Variants in SEMA3A observed in about 807,000 individuals in gnomAD.
SEMA3A encodes semaphorin-3A.
Under a neutral mutation model 97.9 loss-of-function variants are expected in SEMA3A, and 29 were observed. The ratio of observed to expected loss-of-function variants is 0.30; its 90% CI spans 0.22 to 0.40. SEMA3A has a LOEUF of 0.40. SEMA3A is among the 10% of genes least tolerant of loss of function. The probability of loss-of-function intolerance (pLI) is 1.00; values close to 1 mark genes in which losing one functional copy is unlikely to be tolerated. For missense variants in SEMA3A, 763 were observed against 951.3 expected (o/e 0.80, Z 2.60); for synonymous variants, 321 against 323.7 (o/e 0.99, Z 0.09).
At chr7:84,074,127 T>C (rs761830482) in intron 4 of SEMA3A, among the ~76,000 whole-genome samples, 10 of 152,174 alleles carry the variant, frequency 6.6e-5, no homozygotes, top group Admixed American at 1.3e-4. Flanking sequence ...TACTATTATA[T>C]GGAATTCACT....
At chr7:84,430,076 C>G (rs1378808595) in intron 1 of SEMA3A, among the ~76,000 whole-genome samples, 4 of 151,854 alleles carry the variant, frequency 2.6e-5, no homozygotes, top group Non-Finnish European at 5.9e-5. Flanking sequence ...CTTTGTCAAT[C>G]TAAATGAAAT....
intron 1 of SEMA3A, among the ~76,000 whole-genome samples, chr7:84,488,309 T>C (rs1376616574): frequency 1.7e-5 from 2 of 118,022 alleles, no homozygotes; most frequent in Non-Finnish European, 3.3e-5. Context: ...GCTATGTTTC[T>C]TCGTATATAC....
chr7:84,061,872 T>C (rs1029550328), intron 4 of SEMA3A, among the ~76,000 whole-genome samples: 2 of 152,334 alleles, frequency 1.3e-5, no homozygotes, highest in African/African-American at 4.8e-5. Flanking sequence ...ATGATATTTC[T>C]TTAGGTTAGT....
chr7:84,382,271 C>T (rs1284790186), intron 1 of SEMA3A, among the ~76,000 whole-genome samples: 2 of 151,704 alleles, frequency 1.3e-5, no homozygotes, highest in African/African-American at 4.8e-5. Flanking sequence ...CCACCGCCAA[C>T]TAATTTTTGT....
chr7:84,250,960 A>C (rs1799593757), intron 3 of SEMA3A, among the ~76,000 whole-genome samples: 1 of 152,186 alleles, frequency 6.6e-6, no homozygotes, highest in Non-Finnish European at 1.5e-5. Flanking sequence ...GCACGCAGAT[A>C]ATCTCCTCAA....
At chr7:84,212,957 T>C (rs948997053) in intron 3 of SEMA3A, among the ~76,000 whole-genome samples, 1 of 152,144 alleles carries the variant, frequency 6.6e-6, no homozygotes, top group Non-Finnish European at 1.5e-5. Flanking sequence ...TCTCTCTTCC[T>C]TATTTCTTAA....
chr7:84,446,806 G>A (rs1805424992), intron 1 of SEMA3A, among the ~76,000 whole-genome samples: 1 of 152,174 alleles, frequency 6.6e-6, no homozygotes, highest in South Asian at 2.1e-4. Flanking sequence ...GCTGCTGCAA[G>A]GATGCCAGTT....
chr7:84,431,153 G>C (rs919572484), intron 1 of SEMA3A, among the ~76,000 whole-genome samples: 5 of 152,066 alleles, frequency 3.3e-5, no homozygotes, highest in African/African-American at 7.2e-5. Context: ...TTAGAGAATT[G>C]ATTTCTCCTA....
At chr7:84,401,657 A>G (rs1415336420) in intron 1 of SEMA3A, among the ~76,000 whole-genome samples, 1 of 152,218 alleles carries the variant, frequency 6.6e-6, no homozygotes, top group Non-Finnish European at 1.5e-5. Context: ...GCATAAAAGC[A>G]GACACATAGA....
intron 3 of SEMA3A, 149 bp from the exon 4 acceptor site, chr7:84,110,738 T>C (rs1422594725): frequency 1.3e-6 from 1 of 797,692 alleles, no homozygotes; most frequent in South Asian, 2.2e-5. Flanking sequence ...TAAGGACTTA[T>C]TTATTATTCT....
intron 2 of SEMA3A, among the ~76,000 whole-genome samples, chr7:84,314,398 G>A (rs1415749433): frequency 1.3e-5 from 2 of 152,124 alleles, no homozygotes; most frequent in African/African-American, 4.8e-5. Context: ...ATGACATGTA[G>A]TGTAATGGGA....
intron 3 of SEMA3A, among the ~76,000 whole-genome samples, chr7:84,115,146 T>C (rs1022878646): frequency 2.6e-5 from 4 of 152,102 alleles, no homozygotes; most frequent in Admixed American, 6.5e-5. Flanking sequence ...TACCATTATA[T>C]ATAGCCAGTT....
intron 1 of SEMA3A, among the ~76,000 whole-genome samples, chr7:84,418,064 G>A (rs1804482616): frequency 6.6e-6 from 1 of 152,068 alleles, no homozygotes; most frequent in Non-Finnish European, 1.5e-5. Flanking sequence ...TAGGTGGCTG[G>A]TAAAGTTTTG....
intron 1 of SEMA3A, among the ~76,000 whole-genome samples, chr7:84,430,163 C>A (rs945535202): frequency 1.3e-5 from 2 of 151,754 alleles, no homozygotes; most frequent in Non-Finnish European, 2.9e-5. Flanking sequence ...TTTCATTTGT[C>A]TTCCATTTTT....
At chr7:83,999,897 A>T (rs1451155421) in intron 12 of SEMA3A, among the ~76,000 whole-genome samples, 1 of 152,110 alleles carries the variant, frequency 6.6e-6, no homozygotes, top group Admixed American at 6.5e-5. Flanking sequence ...CAGAATCAGG[A>T]TGATAACTTG....
intron 1 of SEMA3A, among the ~76,000 whole-genome samples, chr7:84,485,291 T>A (rs770450657): frequency 1.3e-5 from 2 of 151,944 alleles, no homozygotes; most frequent in Non-Finnish European, 2.9e-5. Flanking sequence ...CATCATTATT[T>A]AAGAAGTGAA....
chr7:84,337,893 G>T (rs1359435234), intron 2 of SEMA3A, among the ~76,000 whole-genome samples: 5 of 152,060 alleles, frequency 3.3e-5, no homozygotes, highest in Admixed American at 3.3e-4. Context: ...ATAAATTTCA[G>T]AGAGCAGTGC....
intron 2 of SEMA3A, among the ~76,000 whole-genome samples, chr7:84,328,795 G>T (rs1043268272): frequency 9.9e-5 from 15 of 152,112 alleles, no homozygotes; most frequent in African/African-American, 3.6e-4. Flanking sequence ...CAGAAAAGGA[G>T]TTCAAATTCC....
chr7:84,322,846 G>A (rs146635792), intron 2 of SEMA3A, among the ~76,000 whole-genome samples: 2 of 152,250 alleles, frequency 1.3e-5, no homozygotes, highest in Admixed American at 1.3e-4. Flanking sequence ...GTCCATACAG[G>A]CTTCCTGAAG....
Sources: gnomAD v4.1 joint callset for allele counts (sites outside exome capture counted in the v4.1 genomes callset) on GRCh38, gnomAD v4.1.1 for gene constraint, MANE v1.5 for transcripts, NCBI Gene and HGNC (gene_info 2026-07-23, HGNC 2026-07-21) for gene names.